The following GAS6 variants were observed in gnomAD, a reference collection of about 807,000 sequenced individuals.
GAS6 encodes growth arrest specific 6.
Under a neutral mutation model 75.8 loss-of-function variants are expected in GAS6, and 41 were observed. The ratio of observed to expected loss-of-function variants is 0.54; its 90% confidence interval spans 0.42 to 0.70. GAS6 has a LOEUF of 0.70. GAS6 is among the 30% of genes least tolerant of loss of function. The pLI, the probability that GAS6 is intolerant of heterozygous loss-of-function variation, is 0.00. For missense variants in GAS6, 854 were observed against 940.2 expected (o/e 0.91, Z 1.20); for synonymous variants, 432 against 412.6 (o/e 1.05, Z -0.57).
intron 12 of GAS6, among the ~76,000 whole-genome samples, chr13:113,826,382 C>CCGGCG (rs1388172577): frequency 6.7e-6 from 1 of 150,060 alleles, no homozygotes; most frequent in African/African-American, 2.5e-5. Flanking sequence ...TCCCAGCCTC[C>CCGGCG]CCGGCCTCGC....
chr13:113,842,668 G>C (rs1475548920), intron 4 of GAS6: 2 of 397,140 alleles, frequency 5.0e-6, no homozygotes, highest in Non-Finnish European at 8.8e-6. Context: ...TGCAGGGCAG[G>C]CGGCCTGTGC....
At chr13:113,842,320 C>T in intron 4 of GAS6, 3 of 341,842 alleles carry the variant, frequency 8.8e-6, no homozygotes, top group Non-Finnish European at 1.5e-5. Flanking sequence ...CGAAGTGTTT[C>T]TAAGATGCTA....
chr13:113,827,898 G>A (rs1409354769), intron 11 of GAS6, among the ~76,000 whole-genome samples: 1 of 152,158 alleles, frequency 6.6e-6, no homozygotes, highest in Non-Finnish European at 1.5e-5. Context: ...CATCATGGCT[G>A]TTTTCCCCTT....
intron 5 of GAS6, chr13:113,839,397 T>TC (rs58225179): frequency 2.8e-5 from 6 of 216,800 alleles, no homozygotes; most frequent in Admixed American, 1.3e-4. Flanking sequence ...AGGTGAAATT[T>TC]CCCCCCCGCC....
At position 113,834,826 on chromosome 13, in the gene GAS6, C is replaced by T. The variant is rs571534735; in HGVS notation, c.713-154G>A. 1.9e-5 allele frequency: 14 copies of T among 756,340 alleles called. No homozygotes were observed. The East Asian group carries it at 2.2e-4, about 12-fold the overall frequency. The allele number at this position is 756,340 out of a possible 1,614,324, so 46.9% of individuals were successfully genotyped here. A position where few individuals can be genotyped will look rare whatever the true frequency, so the allele number is the denominator to read the frequency against. ...GCGGCTTGGGGGTCGCGTCCCCCCC[C>T]ACTGGAAAGCTAGGTTGCACCCTCG... On this transcript the variant is annotated intron_variant, in intron 7 of 14. Coordinates refer to ENST00000327773, the MANE Select transcript of GAS6 (RefSeq NM_000820.4).
chr13:113,847,337 A>G (rs1359160796), intron 3 of GAS6, among the ~76,000 whole-genome samples: 3 of 152,260 alleles, frequency 2.0e-5, no homozygotes, highest in Non-Finnish European at 4.4e-5. Flanking sequence ...GGACCCTTTA[A>G]GAGGACATTT....
At chr13:113,825,009 G>A (rs2051516606) in intron 12 of GAS6, among the ~76,000 whole-genome samples, 2 of 151,944 alleles carry the variant, frequency 1.3e-5, no homozygotes, top group Admixed American at 6.6e-5. Context: ...ACCTAAGGTC[G>A]GGAGTTCGAG....
intron 7 of GAS6, 151 bp from the exon 8 acceptor site, chr13:113,834,823 CCCCACTGGA>C: frequency 6.2e-6 from 5 of 801,272 alleles, no homozygotes; most frequent in Non-Finnish European, 8.6e-6. Flanking sequence ...TCGCGTCCCC[CCCCACTGGA>C]AAGCTAGGTT....
chr13:113,838,804 C>G (rs1474771609), intron 5 of GAS6, among the ~76,000 whole-genome samples: 6 of 150,722 alleles, frequency 4.0e-5, no homozygotes, highest in Non-Finnish European at 8.9e-5. Context: ...CAGCCCAGCC[C>G]TGGAGCAGGG....
At chr13:113,858,947 T>C (rs1183018623) in intron 2 of GAS6, among the ~76,000 whole-genome samples, 7 of 148,178 alleles carry the variant, frequency 4.7e-5, no homozygotes, top group Admixed American at 2.7e-4. Context: ...GTGTCATGCA[T>C]GTGTGTACAT....
chr13:113,820,834 A>G lies in GAS6; in HGVS notation c.*30T>C. 1 of 1,600,856 alleles carries G rather than the reference A, an allele frequency of 6.2e-7. No individual in the cohort carries two copies. The highest frequency in any genetic ancestry group is 8.5e-7 in the Non-Finnish European group (1 of 1,176,470). ...CTCCTCCCGGCTGTCTCGGACAGAGACTGAGAAGCCTGCCGCGTCCCGTGG... is the reference window on the plus strand; with the variant it reads ...CTCCTCCCGGCTGTCTCGGACAGAGGCTGAGAAGCCTGCCGCGTCCCGTGG... On this transcript the variant is annotated 3_prime_UTR_variant, in exon 15 of 15. Transcript: ENST00000327773.
intron 4 of GAS6, 61 bp from the exon 5 acceptor site, chr13:113,839,911 C>A: frequency 6.2e-7 from 1 of 1,610,478 alleles, no homozygotes; most frequent in East Asian, 2.2e-5. Context: ...GCGCCCAACG[C>A]AGCTGAGATC....
chr13:113,852,003 C>T (rs533737267), intron 2 of GAS6, among the ~76,000 whole-genome samples: 117 of 152,294 alleles, frequency 7.7e-4, no homozygotes, highest in Admixed American at 1.5e-3. Context: ...TTGCTGTTCC[C>T]GGCAGGGACG....
At chr13:113,832,783 G>T (rs749716413) in intron 8 of GAS6, 31 bp from the exon 9 acceptor site, 29 of 1,611,770 alleles carry the variant, frequency 1.8e-5, no homozygotes, top group Non-Finnish European at 2.0e-5. Context: ...GCCGGTCGGG[G>T]ATGTGGCCTT....
chr13:113,845,656 G>GA lies in GAS6; in HGVS notation c.343+870dup, dbSNP rs1431662767. The GA allele has an allele frequency of 7.3e-6, 1 of 136,156 alleles. No homozygotes were observed. The allele number at this position is 136,156 out of a possible 1,614,324, so 8.4% of individuals were successfully genotyped here. On this transcript the variant is annotated intron_variant, in intron 4 of 14. Coordinates refer to ENST00000327773, the MANE Select transcript of GAS6 (RefSeq NM_000820.4). The surrounding 1 kb of genome is among the most constrained non-coding windows in gnomAD (Gnocchi z 4.3). ...TAATGTGCAAACTCCTACAAATTGA[G>GA]AAAAACAGGCAAAAAATATAAACAA... is the stretch of plus-strand genomic sequence containing the variant.
At chr13:113,833,410 C>T (rs952217651) in intron 8 of GAS6, 67 of 991,858 alleles carry the variant, frequency 6.8e-5, no homozygotes, top group East Asian at 1.1e-4. Context: ...CCCAGGTCTG[C>T]GACTCCGAGA....
chr13:113,834,438 CCCAACA>C, intron 8 of GAS6, 107 bp downstream of exon 8: 1 of 1,132,942 alleles, frequency 8.8e-7, no homozygotes, highest in Non-Finnish European at 1.2e-6. Context: ...CCTGGAGATC[CCCAACA>C]CCTTAGCAAA....
chr13:113,848,173 CG>C lies in GAS6; in HGVS notation c.256-124del. 1 of 1,008,748 alleles carries C rather than the reference CG, an allele frequency of 9.9e-7. No individual in the cohort carries two copies. The highest frequency in any genetic ancestry group is 1.5e-6 in the Non-Finnish European group (1 of 664,302). 62.5% of individuals were successfully genotyped at this position (1,008,748 alleles called of 1,614,324 possible). A position where few individuals can be genotyped will look rare whatever the true frequency, so the allele number is the denominator to read the frequency against. ...GGGGCAGCCAGAGGGCCGCCCCACC[CG>C]GGGAACTGAGGGGAAGTGACCGGGG... On this transcript the variant is annotated intron_variant, in intron 2 of 14. Transcript: ENST00000327773. This position sits in a 1 kb window ranked among gnomAD's most constrained non-coding sequence, Gnocchi z 4.8.
Position 113,864,028 on chromosome 13 carries a change from T to TCGC in GAS6, c.-111_-109dup, listed in dbSNP as rs1338236142. 3 of 1,004,012 alleles carry TCGC rather than the reference T, an allele frequency of 3.0e-6. No homozygotes were observed. The African/African-American group carries it at 5.3e-5, about 18-fold the overall frequency. 62.2% of individuals were successfully genotyped at this position (1,004,012 alleles called of 1,614,324 possible). On this transcript the variant is annotated 5_prime_UTR_variant, in exon 1 of 15. Transcript: ENST00000327773. Reference sequence around the variant, plus strand: ...CGTCCTGGCGGCCCTGAAGGTCACATCGCGGCGGCGGCGGCGGCGGCGGCT... The same window carrying TCGC: ...CGTCCTGGCGGCCCTGAAGGTCACATCGCCGCGGCGGCGGCGGCGGCGGCGGCT...
Sources: gnomAD v4.1 joint callset for allele counts (sites outside exome capture counted in the v4.1 genomes callset) on GRCh38, gnomAD v4.1.1 for gene constraint, Gnocchi (gnomAD v3.1) non-coding constraint, MANE v1.5 for transcripts, NCBI Gene and HGNC (gene_info 2026-07-23, HGNC 2026-07-21) for gene names.